The following TERB1 variants were observed in gnomAD, a reference collection of about 807,000 sequenced individuals.
TERB1 encodes telomere repeats-binding bouquet formation protein 1.
Under a neutral mutation model 92.3 loss-of-function variants are expected in TERB1, and 63 were observed. That is an observed-to-expected ratio of 0.68 (90% CI 0.56 to 0.84). TERB1 has a LOEUF of 0.84. TERB1 is among the 40% of genes least tolerant of loss of function. The pLI is 0.00. For synonymous variants in TERB1, 252 were observed against 283.9 expected (o/e 0.89, Z 1.13); for missense variants, 709 against 843.7 (o/e 0.84, Z 1.98).
intron 16 of TERB1, among the ~76,000 whole-genome samples, chr16:66,760,678 T>C (rs1404329465): frequency 8.3e-6 from 1 of 119,964 alleles, no homozygotes; most frequent in Admixed American, 9.0e-5. Flanking sequence ...CCCAGCTACT[T>C]GGGAGGCTGA....
intron 15 of TERB1, 24 bp from the exon 16 acceptor site, chr16:66,767,534 G>A (rs1220858452): frequency 3.0e-5 from 27 of 889,306 alleles, no homozygotes; most frequent in Non-Finnish European, 4.3e-5. Flanking sequence ...CAAAATGAAG[G>A]ATTTTTGGAT....
chr16:66,789,652 C>T (rs1208951995), intron 5 of TERB1, among the ~76,000 whole-genome samples: 8 of 135,610 alleles, frequency 5.9e-5, no homozygotes, highest in Non-Finnish European at 1.1e-4. Flanking sequence ...CTATATCTTA[C>T]TTATCCCTGT....
intron 9 of TERB1, among the ~76,000 whole-genome samples, chr16:66,783,876 A>T (rs1277571762): frequency 6.6e-6 from 1 of 152,172 alleles, no homozygotes; most frequent in Non-Finnish European, 1.5e-5. Context: ...GACTACAGGC[A>T]TGCGCCACCG....
chr16:66,763,791 A>C (rs2018292354), intron 16 of TERB1, among the ~76,000 whole-genome samples: 2 of 152,226 alleles, frequency 1.3e-5, no homozygotes, highest in Admixed American at 1.3e-4. Flanking sequence ...AGGTAATGTC[A>C]GCCATGTCCA....
chr16:66,761,909 T>G (rs974332153), intron 16 of TERB1, among the ~76,000 whole-genome samples: 2 of 151,896 alleles, frequency 1.3e-5, no homozygotes, highest in African/African-American at 4.8e-5. Flanking sequence ...AAAAATTAGC[T>G]AAGTGTATTG....
chr16:66,773,503 T>C (rs2018490228), intron 12 of TERB1, among the ~76,000 whole-genome samples: 1 of 152,170 alleles, frequency 6.6e-6, no homozygotes, highest in Non-Finnish European at 1.5e-5. Flanking sequence ...ATTCCTTAAG[T>C]GCACCAGGTT....
intron 3 of TERB1, among the ~76,000 whole-genome samples, chr16:66,793,455 T>C (rs979479651): frequency 1.3e-5 from 2 of 151,790 alleles, no homozygotes; most frequent in African/African-American, 4.8e-5. Flanking sequence ...TGACCTCAGG[T>C]GATCCACCTG....
At chr16:66,784,523 A>G (rs970494937) in intron 9 of TERB1, among the ~76,000 whole-genome samples, 1 of 151,670 alleles carries the variant, frequency 6.6e-6, no homozygotes, top group Non-Finnish European at 1.5e-5. Flanking sequence ...TAGTAGAGAC[A>G]AGGTTTCGTC....
Position 66,789,017 on chromosome 16 carries a change from CAAAAA to C in TERB1, c.272-725_272-721del, listed in dbSNP as rs57876042. On this transcript the variant is annotated intron_variant, in intron 5 of 18. Coordinates refer to ENST00000433154, the MANE Select transcript of TERB1 (RefSeq NM_001136505.2). The stretch of plus-strand genomic sequence containing the variant: ...TAGTGGAAAGTGGTGGGTATGGTAC[CAAAAA>C]AAAAAAAAAAAAAAAAGAAAGAATG... Among the ~76,000 whole-genome samples the C allele has an allele frequency of 1.0e-4, 7 of 68,324 alleles. No homozygotes were observed. In the East Asian group the frequency reaches 2.2e-3, roughly 21 times the overall value. The allele number at this position is 68,324 out of a possible 152,430, so 44.8% of individuals were successfully genotyped here. A position where few individuals can be genotyped will look rare whatever the true frequency, so the allele number is the denominator to read the frequency against.
rs541832144 is a variant in TERB1, at chr16:66,758,754, T to A, written c.1996+19A>T. 4.7e-4 allele frequency: 680 copies of A among 1,445,172 alleles called. 3 individuals carry two copies. In the Middle Eastern group the frequency reaches 8.3e-3, roughly 18 times the overall value. 89.5% of individuals were successfully genotyped at this position (1,445,172 alleles called of 1,614,324 possible). ...AGACCCTGTCTCAAGAAAAAAAAAA[T>A]TAAATTAAATATATTCACTTATTCC... is the stretch of plus-strand genomic sequence containing the variant. On this transcript the variant is annotated intron_variant, in intron 18 of 18. Coordinates refer to ENST00000433154, the MANE Select transcript of TERB1 (RefSeq NM_001136505.2).
intron 18 of TERB1, among the ~76,000 whole-genome samples, chr16:66,757,960 T>G (rs2018164916): frequency 1.3e-5 from 2 of 152,212 alleles, no homozygotes; most frequent in Non-Finnish European, 2.9e-5. Context: ...ACTATTTGTC[T>G]CTTCAATTTT....
chr16:66,775,118 T>C lies in TERB1; in HGVS notation c.1111A>G (p.Thr371Ala), dbSNP rs963805393. ...TFVLHNCKKI[T>A]EKLSLSLGEY... ...GTTCTTAAAGTAATAGTACACTTAC[T>C]AATTTTTTTGCAGTTGTGAAGCACA... Residue 371 changes from threonine to alanine, a missense_variant and splice_region_variant, in exon 12 of 19, where the codon ACT becomes GCT. Thr to Ala is a moderately conservative substitution (Grantham distance 58, BLOSUM62 0). Transcript: ENST00000433154. 1 of 1,551,454 alleles carries C rather than the reference T, an allele frequency of 6.4e-7. No individual in the cohort carries two copies. Among genetic ancestry groups the C allele is most frequent in the Non-Finnish European group, 8.7e-7 (1 of 1,146,900 alleles).
chr16:66,772,733 T>C lies in TERB1; in HGVS notation c.1128A>G (p.Leu376=), dbSNP rs1400569687. The change falls in exon 13 of 19, where the codon CTA becomes CTG. Residue 376 remains leucine (L), a synonymous_variant. Coordinates refer to ENST00000433154, the MANE Select transcript of TERB1 (RefSeq NM_001136505.2). The part of the protein sequence containing the change: ...NCKKITEKLS[L]SLGEYPFDEN... ...CATCAAAAGGATATTCTCCTAGACTTAGAGATAATTTCTCAGCTTTGTAGT... is the reference window on the plus strand; with the variant it reads ...CATCAAAAGGATATTCTCCTAGACTCAGAGATAATTTCTCAGCTTTGTAGT... 8 of 1,541,644 alleles carry C rather than the reference T, an allele frequency of 5.2e-6. No homozygotes were observed. The highest frequency in any genetic ancestry group is 1.2e-5 in the South Asian group (1 of 81,876).
chr16:66,789,442 G>A (rs1411208966), intron 5 of TERB1, among the ~76,000 whole-genome samples: 1 of 77,456 alleles, frequency 1.3e-5, no homozygotes, highest in African/African-American at 6.7e-5. Context: ...AAATTAGCCG[G>A]GCGTGGTAGC....
At chr16:66,796,683 C>A (rs1597029162) in intron 3 of TERB1, 85 bp downstream of exon 3, 1 of 964,774 alleles carries the variant, frequency 1.0e-6, no homozygotes. Flanking sequence ...ATGATTCTTT[C>A]ATTTCCTGGA....
chr16:66,787,717 T>C (rs1291062655), intron 6 of TERB1, among the ~76,000 whole-genome samples: 1 of 152,244 alleles, frequency 6.6e-6, no homozygotes, highest in East Asian at 1.9e-4. Context: ...AATTACTTTA[T>C]TTCTTAAAAT....
At chr16:66,776,128 G>A (rs1166709723) in intron 11 of TERB1, among the ~76,000 whole-genome samples, 2 of 151,808 alleles carry the variant, frequency 1.3e-5, no homozygotes, top group African/African-American at 4.8e-5. Context: ...TTGGGAGTTC[G>A]AGACCAGCCT....
At chr16:66,789,304 G>GGACTATATCTTACTTATCCCTGTAT (rs1555509453) in intron 5 of TERB1, among the ~76,000 whole-genome samples, 18 of 109,434 alleles carry the variant, frequency 1.6e-4, no homozygotes, top group South Asian at 3.3e-4. Context: ...AAAAAATTCG[G>GGACTATATCTTACTTATCCCTGTAT]CCGGGCGCGG....
Position 66,754,997 on chromosome 16 carries a change from G to A in TERB1, c.2163C>T (p.His721=). The change falls in exon 19 of 19, where the codon CAC becomes CAT. Residue 721 remains histidine, a synonymous_variant. Transcript: ENST00000433154. The part of the protein sequence containing the change: ...LAHKYHKLTK[H]PTCAAS ...TCAATCAAGAAGCTGCACACGTGGGGTGTTTGGTCAGCTTGTGGTATTTGT... is the reference window on the plus strand; with the variant it reads ...TCAATCAAGAAGCTGCACACGTGGGATGTTTGGTCAGCTTGTGGTATTTGT... The A allele has an allele frequency of 1.3e-6, 2 of 1,551,084 alleles. No individual in the cohort carries two copies. The highest frequency in any genetic ancestry group is 1.7e-6 in the Non-Finnish European group (2 of 1,146,866).
Sources: allele counts gnomAD v4.1 joint callset (sites outside exome capture counted in the v4.1 genomes callset), GRCh38; gene constraint gnomAD v4.1.1; transcripts MANE v1.5; gene names NCBI Gene and HGNC (gene_info 2026-07-23, HGNC 2026-07-21).